CGGBP1: variants seen among roughly 807,000 people sequenced by gnomAD.
CGGBP1 encodes CGG triplet repeat-binding protein 1.
Under a neutral mutation model 11.4 loss-of-function variants are expected in CGGBP1, and 4 were observed. The ratio of observed to expected loss-of-function variants is 0.35; its 90% CI spans 0.17 to 0.80. The LOEUF is 0.80. Ranked by LOEUF, CGGBP1 falls within the 30% of genes least tolerant of loss-of-function variation. CGGBP1 has a pLI of 0.52. For missense variants in CGGBP1, 135 were observed against 202.1 expected (o/e 0.67, Z 2.01); for synonymous variants, 76 against 74.1 (o/e 1.03, Z -0.13).
Position 88,056,006 on chromosome 3 carries a change from A to G in CGGBP1, c.-23-7T>C. ...ACTCTAAATAAATATGGTTCTTTCA[A>G]GACAAAAGAAACAAAGATGAGTATT... is the stretch of plus-strand genomic sequence containing the variant. On this transcript the variant is annotated splice_polypyrimidine_tract_variant and splice_region_variant and intron_variant, in intron 3 of 3. Transcript: ENST00000482016. 6.4e-7 allele frequency: 1 copy of G among 1,556,682 alleles called. No homozygotes were observed. The highest frequency in any genetic ancestry group is 2.2e-5 in the East Asian group (1 of 44,460).
chr3:88,138,424 A>C (rs1173697801), intron 2 of CGGBP1, among the ~76,000 whole-genome samples: 2 of 143,768 alleles, frequency 1.4e-5, no homozygotes, highest in African/African-American at 2.5e-5. Flanking sequence ...ATGAATCACC[A>C]TAAGTCCATT....
chr3:88,144,787 T>C (rs1307422524), intron 1 of CGGBP1: 4 of 152,364 alleles, frequency 2.6e-5, no homozygotes, highest in African/African-American at 9.6e-5. Context: ...TATTACCATA[T>C]TTGGATTGAG....
At chr3:88,098,027 ACAAT>A (rs1704170828) in intron 2 of CGGBP1, among the ~76,000 whole-genome samples, 1 of 151,792 alleles carries the variant, frequency 6.6e-6, no homozygotes, top group Admixed American at 6.6e-5. Context: ...CCCTTCAAAA[ACAAT>A]CAATCCAGGA....
chr3:88,100,227 C>T (rs1279377762), intron 2 of CGGBP1, among the ~76,000 whole-genome samples: 1 of 152,184 alleles, frequency 6.6e-6, no homozygotes, highest in African/African-American at 2.4e-5. Context: ...AAAAAATGCT[C>T]ATCATCACTG....
intron 2 of CGGBP1, among the ~76,000 whole-genome samples, chr3:88,128,517 T>C (rs1706254361): frequency 2.0e-5 from 3 of 152,236 alleles, no homozygotes; most frequent in Admixed American, 2.0e-4. Flanking sequence ...TTTTAACATA[T>C]TAATGAACTG....
intron 2 of CGGBP1, among the ~76,000 whole-genome samples, chr3:88,084,106 C>A (rs1403827166): frequency 1.3e-5 from 2 of 152,072 alleles, no homozygotes; most frequent in Non-Finnish European, 2.9e-5. Context: ...TGTAGCAAAC[C>A]TAATGGAGGT....
At chr3:88,136,621 A>T (rs1211537579) in intron 2 of CGGBP1, among the ~76,000 whole-genome samples, 1 of 152,122 alleles carries the variant, frequency 6.6e-6, no homozygotes, top group Non-Finnish European at 1.5e-5. Context: ...GTTTTTCACA[A>T]CCATCTGGTG....
chr3:88,082,711 T>A (rs1391314351), intron 2 of CGGBP1, among the ~76,000 whole-genome samples: 1 of 152,238 alleles, frequency 6.6e-6, no homozygotes, highest in Non-Finnish European at 1.5e-5. Context: ...GTTTTCTTTG[T>A]TACATTACAA....
chr3:88,057,774 T>G (rs1417026422), intron 2 of CGGBP1: 1 of 152,262 alleles, frequency 6.6e-6, no homozygotes, highest in African/African-American at 2.4e-5. Flanking sequence ...GTGAAAGGCC[T>G]ATACTTTCCA....
intron 2 of CGGBP1, among the ~76,000 whole-genome samples, chr3:88,103,762 C>CTTT (rs56210218): frequency 1.2e-5 from 1 of 83,366 alleles, no homozygotes; most frequent in Admixed American, 1.4e-4. Flanking sequence ...GATGTATTAA[C>CTTT]TTTTTTTTTT....
chr3:88,141,717 C>T, intron 1 of CGGBP1: 6 of 1,295,576 alleles, frequency 4.6e-6, no homozygotes, highest in Non-Finnish European at 6.3e-6. Flanking sequence ...TAAGAAAATG[C>T]ATCATCAGTT....
intron 2 of CGGBP1, among the ~76,000 whole-genome samples, chr3:88,130,222 G>C (rs1706363489): frequency 6.6e-6 from 1 of 152,058 alleles, no homozygotes; most frequent in African/African-American, 2.4e-5. Flanking sequence ...GGGCTATTAA[G>C]AATTTCTGTT....
chr3:88,145,755 C>T (rs1202268385), intron 1 of CGGBP1, among the ~76,000 whole-genome samples: 2 of 152,188 alleles, frequency 1.3e-5, no homozygotes, highest in East Asian at 3.9e-4. Flanking sequence ...AGTTTCATGC[C>T]TTATTGATGG....
chr3:88,082,182 A>G (rs567938628), intron 2 of CGGBP1, among the ~76,000 whole-genome samples: 15 of 149,620 alleles, frequency 1.0e-4, no homozygotes, highest in African/African-American at 3.7e-4. Flanking sequence ...GCTGGAGTGC[A>G]GTGGTGCAAT....
At chr3:88,079,952 GT>G (rs1156256756) in intron 2 of CGGBP1, among the ~76,000 whole-genome samples, 4 of 150,882 alleles carry the variant, frequency 2.7e-5, no homozygotes, top group South Asian at 2.1e-4. Flanking sequence ...CCATTTTGGT[GT>G]TTTTTTTTAA....
intron 2 of CGGBP1, chr3:88,139,296 C>A: frequency 6.3e-7 from 1 of 1,577,864 alleles, no homozygotes. Flanking sequence ...TCACAATGTC[C>A]CAAGGCATCG....
chr3:88,068,586 G>A (rs1045023293), intron 2 of CGGBP1, among the ~76,000 whole-genome samples: 2 of 152,148 alleles, frequency 1.3e-5, no homozygotes, highest in African/African-American at 4.8e-5. Flanking sequence ...GTGATTTGAT[G>A]TGTGTATGTT....
rs1576155991 is a variant in CGGBP1, at chr3:88,052,159, G to A, written c.*3314C>T. ...TAGTAAAATTTTAATACAGTATTCTGAATACAAGTAGAATACCACTAGATA... is the reference window on the plus strand; with the variant it reads ...TAGTAAAATTTTAATACAGTATTCTAAATACAAGTAGAATACCACTAGATA... On this transcript the variant is annotated 3_prime_UTR_variant, in exon 4 of 4. Coordinates refer to ENST00000482016, the MANE Select transcript of CGGBP1 (RefSeq NM_001008390.2). 6.6e-6 allele frequency: 1 copy of A among 152,654 alleles called. No homozygotes were observed. Among genetic ancestry groups the A allele is most frequent in the East Asian group, 1.9e-4 (1 of 5,190 alleles). The allele number at this position is 152,654 out of a possible 1,614,324, so 9.5% of individuals were successfully genotyped here.
upstream of CGGBP1, among the ~76,000 whole-genome samples, chr3:88,063,875 C>T (rs1008515537): frequency 1.3e-5 from 2 of 152,014 alleles, no homozygotes; most frequent in African/African-American, 4.8e-5. Flanking sequence ...TGCTTGAGTC[C>T]CAACTATCAC....
Sources: gnomAD v4.1 joint callset for allele counts (sites outside exome capture counted in the v4.1 genomes callset) on GRCh38, gnomAD v4.1.1 for gene constraint, MANE v1.5 for transcripts, NCBI Gene and HGNC (gene_info 2026-07-23, HGNC 2026-07-21) for gene names.